The following TTC23 variants were observed in gnomAD, a reference collection of about 807,000 sequenced individuals.
The protein encoded by TTC23 is tetratricopeptide repeat protein 23.
In TTC23, 58 loss-of-function variants were observed where a neutral mutation model predicts 55.1. The observed-to-expected ratio is 1.05, with a 90% CI of 0.85 to 1.31. The LOEUF is 1.31. TTC23 is among the 50% of genes most tolerant of loss of function. TTC23 has a pLI of 0.00. For synonymous variants in TTC23, 203 were observed against 199.9 expected (o/e 1.02, Z -0.13); for missense variants, 516 against 534.4 (o/e 0.97, Z 0.34).
At chr15:99,235,176 A>T (rs2079212243) in intron 3 of TTC23, 96 bp from the exon 4 acceptor site, 1 of 152,142 alleles carries the variant, frequency 6.6e-6, no homozygotes, top group African/African-American at 2.4e-5. Flanking sequence ...TGAGCCTGGG[A>T]GGGGCAGACT....
intron 10 of TTC23, among the ~76,000 whole-genome samples, chr15:99,168,566 G>C (rs1389919044): frequency 6.6e-6 from 1 of 152,210 alleles, no homozygotes; most frequent in Non-Finnish European, 1.5e-5. Flanking sequence ...TTACAAACCA[G>C]CTCAGAAGTG....
chr15:99,171,710 G>C lies in TTC23; in HGVS notation c.865+3340C>G, dbSNP rs564282884. Among the ~76,000 whole-genome samples, 5 of 151,488 alleles carry C rather than the reference G, an allele frequency of 3.3e-5. No individual in the cohort carries two copies. In the East Asian group the frequency reaches 5.9e-4, roughly 18 times the overall value. Reference sequence around the variant, plus strand: ...CCCGAGTAGCTGGGACTACAGGTGCGCAACACAACACCCAGCTAATTTTTT... The same window carrying C: ...CCCGAGTAGCTGGGACTACAGGTGCCCAACACAACACCCAGCTAATTTTTT... On this transcript the variant is annotated intron_variant, in intron 10 of 13. Coordinates refer to ENST00000394132, the MANE Select transcript of TTC23 (RefSeq NM_001288615.3).
intron 9 of TTC23, among the ~76,000 whole-genome samples, chr15:99,177,280 T>C (rs1214963716): frequency 6.6e-6 from 1 of 152,242 alleles, no homozygotes; most frequent in Non-Finnish European, 1.5e-5. Flanking sequence ...GTGCCAACAA[T>C]ATCCTTTGCT....
chr15:99,228,359 CTTGG>C, intron 5 of TTC23, 170 bp downstream of exon 5: 2 of 493,532 alleles, frequency 4.1e-6, no homozygotes, highest in Non-Finnish European at 6.8e-6. Flanking sequence ...AACTGCTGTG[CTTGG>C]AGCCTAGAGG....
intron 8 of TTC23, among the ~76,000 whole-genome samples, chr15:99,206,740 T>C (rs887954422): frequency 1.3e-5 from 2 of 152,162 alleles, no homozygotes; most frequent in African/African-American, 4.8e-5. Flanking sequence ...TGATTTCGTT[T>C]ATCTTTTCAA....
intron 4 of TTC23, among the ~76,000 whole-genome samples, chr15:99,233,607 G>T (rs2079090173): frequency 6.6e-6 from 1 of 152,074 alleles, no homozygotes; most frequent in African/African-American, 2.4e-5. Context: ...AATCTGATAG[G>T]CACCTTTGAA....
At chr15:99,221,976 A>G in intron 5 of TTC23, 112 bp from the exon 6 acceptor site, 1 of 1,272,262 alleles carries the variant, frequency 7.9e-7, no homozygotes, top group Non-Finnish European at 1.1e-6. Flanking sequence ...ACTATGTGCA[A>G]AACATTGTTC....
At chr15:99,142,672 T>G (rs1464027898) in intron 12 of TTC23, among the ~76,000 whole-genome samples, 1 of 152,204 alleles carries the variant, frequency 6.6e-6, no homozygotes, top group African/African-American at 2.4e-5. Context: ...CCCCTCATTC[T>G]CTAGGGAAAG....
intron 8 of TTC23, among the ~76,000 whole-genome samples, chr15:99,211,110 C>A (rs947878988): frequency 1.3e-5 from 2 of 152,194 alleles, no homozygotes; most frequent in African/African-American, 4.8e-5. Context: ...TGCAGTGGCT[C>A]ATGCCTGTAA....
chr15:99,184,298 T>A (rs972683348), intron 9 of TTC23, among the ~76,000 whole-genome samples: 2 of 152,208 alleles, frequency 1.3e-5, no homozygotes, highest in Admixed American at 1.3e-4. Flanking sequence ...GACCCCAGAA[T>A]TGCAGGTCCA....
intron 11 of TTC23, chr15:99,158,062 G>T (rs1486337181): frequency 3.9e-5 from 6 of 152,242 alleles, no homozygotes; most frequent in African/African-American, 1.4e-4. Flanking sequence ...TAGGGCCGGG[G>T]TAGGGGAACC....
chr15:99,161,692 G>A, intron 11 of TTC23, 48 bp downstream of exon 11: 1 of 1,582,040 alleles, frequency 6.3e-7, no homozygotes, highest in Non-Finnish European at 8.6e-7. Flanking sequence ...GTTGCCCTTT[G>A]GATATCAACT....
chr15:99,201,402 C>T (rs1174589995), intron 8 of TTC23, among the ~76,000 whole-genome samples: 2 of 152,126 alleles, frequency 1.3e-5, no homozygotes, highest in African/African-American at 4.8e-5. Flanking sequence ...TGTTGCCCTC[C>T]ACTCCAGAAC....
intron 12 of TTC23, among the ~76,000 whole-genome samples, chr15:99,154,137 A>G (rs1555498193): frequency 2.0e-5 from 3 of 152,254 alleles, no homozygotes; most frequent in African/African-American, 7.2e-5. Context: ...ATGTCACAGA[A>G]GACATAAACC....
intron 12 of TTC23, among the ~76,000 whole-genome samples, chr15:99,142,362 T>C (rs1596196217): frequency 6.6e-6 from 1 of 152,274 alleles, no homozygotes; most frequent in East Asian, 1.9e-4. Context: ...ATAGACTCTA[T>C]TTTGCCCAGA....
At chr15:99,181,815 A>T (rs2074145353) in intron 9 of TTC23, among the ~76,000 whole-genome samples, 1 of 152,192 alleles carries the variant, frequency 6.6e-6, no homozygotes, top group South Asian at 2.1e-4. Flanking sequence ...ACAGGAAGTC[A>T]CTGGGAGCAG....
At chr15:99,157,099 T>C (rs572283269) in intron 11 of TTC23, 1 of 149,940 alleles carries the variant, frequency 6.7e-6, no homozygotes, top group African/African-American at 2.5e-5. Context: ...GTGGTGGTGC[T>C]AGGATCTGAA....
At chr15:99,143,956 C>T (rs2068532683) in intron 12 of TTC23, among the ~76,000 whole-genome samples, 1 of 152,150 alleles carries the variant, frequency 6.6e-6, no homozygotes, top group African/African-American at 2.4e-5. Context: ...CACAGTTGGA[C>T]CCTAGGGCTC....
chr15:99,185,520 T>C (rs535335351), intron 9 of TTC23, among the ~76,000 whole-genome samples: 1 of 152,262 alleles, frequency 6.6e-6, no homozygotes, highest in Non-Finnish European at 1.5e-5. Context: ...TTGGGAACTC[T>C]TGAGTGGCAG....
Sources: gnomAD v4.1 joint callset for allele counts (sites outside exome capture counted in the v4.1 genomes callset) on GRCh38, gnomAD v4.1.1 for gene constraint, MANE v1.5 for transcripts, NCBI Gene and HGNC (gene_info 2026-07-23, HGNC 2026-07-21) for gene names.